The following CDK17 variants were observed in gnomAD, a reference collection of about 807,000 sequenced individuals.
CDK17 encodes the protein cyclin dependent kinase 17, also known as cyclin-dependent kinase 17.
CDK17 carries 24 observed loss-of-function variants against 77.6 expected under a neutral mutation model. That is an observed-to-expected ratio of 0.31 (90% CI 0.22 to 0.44). CDK17 has a LOEUF of 0.44. Ranked by LOEUF, CDK17 falls within the 20% of genes least tolerant of loss-of-function variation. The pLI is 1.00. For synonymous variants in CDK17, 203 were observed against 210.4 expected (o/e 0.96, Z 0.30); for missense variants, 429 against 622.5 (o/e 0.69, Z 3.31).
At chr12:96,325,941 T>C (rs575173325) in intron 2 of CDK17, among the ~76,000 whole-genome samples, 24 of 152,156 alleles carry the variant, frequency 1.6e-4, no homozygotes, top group Non-Finnish European at 2.9e-4. Flanking sequence ...GGAGGATCAC[T>C]TGTGCCCAGG....
intron 13 of CDK17, chr12:96,284,403 G>A (rs1407259947): frequency 6.8e-6 from 1 of 147,756 alleles, no homozygotes; most frequent in Non-Finnish European, 1.5e-5. Flanking sequence ...GGGGCTTGCA[G>A]TGACCTGAGA....
At chr12:96,350,725 A>G (rs1291864376) in intron 1 of CDK17, among the ~76,000 whole-genome samples, 1 of 152,172 alleles carries the variant, frequency 6.6e-6, no homozygotes. Flanking sequence ...TTAACTGAAA[A>G]TGAATCAAAG....
intron 1 of CDK17, among the ~76,000 whole-genome samples, chr12:96,394,381 T>C (rs1347803344): frequency 6.6e-6 from 1 of 152,172 alleles, no homozygotes; most frequent in Non-Finnish European, 1.5e-5. Flanking sequence ...CCAAAGTTAG[T>C]AACTGAACTA....
intron 1 of CDK17, chr12:96,335,276 A>G (rs1361319365): frequency 6.8e-6 from 2 of 293,332 alleles, no homozygotes; most frequent in Non-Finnish European, 1.3e-5. Context: ...GAGGCGGGTG[A>G]GGTAATGGAG....
At chr12:96,379,849 C>G (rs1193944788) in intron 1 of CDK17, among the ~76,000 whole-genome samples, 1 of 152,170 alleles carries the variant, frequency 6.6e-6, no homozygotes, top group Non-Finnish European at 1.5e-5. Flanking sequence ...ATTAAACACA[C>G]ATTTCCAAGT....
At chr12:96,306,679 T>C (rs1239612448) in intron 5 of CDK17, among the ~76,000 whole-genome samples, 2 of 152,038 alleles carry the variant, frequency 1.3e-5, no homozygotes, top group Non-Finnish European at 2.9e-5. Flanking sequence ...ACTGATCTCT[T>C]TGAAAAAACT....
At chr12:96,346,741 T>A (rs10777788) in intron 1 of CDK17, among the ~76,000 whole-genome samples, 2 of 152,056 alleles carry the variant, frequency 1.3e-5, no homozygotes, top group Non-Finnish European at 2.9e-5. Flanking sequence ...ATGGTGAAAC[T>A]CCATCTCTAC....
chr12:96,373,027 T>C (rs1255041447), intron 1 of CDK17, among the ~76,000 whole-genome samples: 1 of 152,200 alleles, frequency 6.6e-6, no homozygotes, highest in Non-Finnish European at 1.5e-5. Context: ...TTACTACCTA[T>C]TCAGTCTTCT....
chr12:96,388,034 C>T (rs1954005059), intron 1 of CDK17, among the ~76,000 whole-genome samples: 1 of 151,792 alleles, frequency 6.6e-6, no homozygotes, highest in East Asian at 1.9e-4. Flanking sequence ...GTTTGGGAGG[C>T]CAAGGTGGGA....
At chr12:96,385,886 T>C (rs2137235866) in intron 1 of CDK17, among the ~76,000 whole-genome samples, 1 of 151,152 alleles carries the variant, frequency 6.6e-6, no homozygotes, top group Admixed American at 6.6e-5. Flanking sequence ...GGAAAAAACA[T>C]AAAATAATTG....
At chr12:96,341,577 C>G (rs977263977) in intron 1 of CDK17, among the ~76,000 whole-genome samples, 1 of 152,156 alleles carries the variant, frequency 6.6e-6, no homozygotes, top group African/African-American at 2.4e-5. Context: ...TATCTTACTT[C>G]GCCTTGGGCT....
chr12:96,314,636 T>C (rs942332651), intron 3 of CDK17, among the ~76,000 whole-genome samples: 3 of 152,212 alleles, frequency 2.0e-5, no homozygotes, highest in Non-Finnish European at 4.4e-5. Flanking sequence ...CTCATATACC[T>C]GCATTTGTCA....
At chr12:96,385,320 CA>C (rs1040758403) in intron 1 of CDK17, among the ~76,000 whole-genome samples, 1 of 151,522 alleles carries the variant, frequency 6.6e-6, no homozygotes, top group South Asian at 2.1e-4. Context: ...TCTCAAAAAA[CA>C]AAAAAAGATG....
chr12:96,388,896 AGAG>A (rs1273829773), intron 1 of CDK17, among the ~76,000 whole-genome samples: 1 of 152,160 alleles, frequency 6.6e-6, no homozygotes, highest in East Asian at 1.9e-4. Context: ...AAGAGAGAAC[AGAG>A]AAGAAGCTAC....
intron 1 of CDK17, among the ~76,000 whole-genome samples, chr12:96,396,492 A>G (rs2137254664): frequency 6.6e-6 from 1 of 152,350 alleles, no homozygotes; most frequent in South Asian, 2.1e-4. Flanking sequence ...ATGCTACATA[A>G]AGCACATTTT....
At chr12:96,331,931 C>T (rs1449635915) in intron 2 of CDK17, among the ~76,000 whole-genome samples, 1 of 152,110 alleles carries the variant, frequency 6.6e-6, no homozygotes, top group Non-Finnish European at 1.5e-5. Flanking sequence ...CTGTTATGTG[C>T]CATGTGACGT....
chr12:96,287,409 C>A (rs1026089676), intron 11 of CDK17, among the ~76,000 whole-genome samples: 20 of 152,064 alleles, frequency 1.3e-4, no homozygotes, highest in African/African-American at 3.9e-4. Flanking sequence ...GGCTCGTAAT[C>A]TAGCAACTAT....
At chr12:96,302,384 C>G (rs1952519513) in intron 5 of CDK17, among the ~76,000 whole-genome samples, 1 of 151,914 alleles carries the variant, frequency 6.6e-6, no homozygotes, top group African/African-American at 2.4e-5. Flanking sequence ...GGCTACTTGC[C>G]AAGATCACAG....
intron 1 of CDK17, among the ~76,000 whole-genome samples, chr12:96,354,738 G>A (rs562178026): frequency 6.6e-6 from 1 of 152,062 alleles, no homozygotes; most frequent in Non-Finnish European, 1.5e-5. Context: ...TTAAAAATTA[G>A]CCAGGCAGGG....
Sources: gnomAD v4.1 joint callset for allele counts (sites outside exome capture counted in the v4.1 genomes callset) on GRCh38, gnomAD v4.1.1 for gene constraint, MANE v1.5 for transcripts, NCBI Gene and HGNC (gene_info 2026-07-23, HGNC 2026-07-21) for gene names.